The following ZNF487 variants were observed in gnomAD, a reference collection of about 807,000 sequenced individuals.
The protein encoded by ZNF487 is zinc finger protein 487.
In ZNF487, 4 loss-of-function variants were observed where a neutral mutation model predicts 3.0. The observed-to-expected ratio is 1.35, with a 90% CI of 0.66 to 3.08. ZNF487 has a LOEUF of 3.08. ZNF487 is among the 30% of genes most tolerant of loss of function. The pLI, the probability that ZNF487 is intolerant of heterozygous loss-of-function variation, is 0.01. For missense variants in ZNF487, 146 were observed against 98.7 expected (o/e 1.48, Z -2.03); for synonymous variants, 55 against 34.6 (o/e 1.59, Z -2.06).
At chr10:43,509,448 A>C in the ZNF487 span, among the ~76,000 whole-genome samples, 1 of 105,428 alleles carries the variant, frequency 9.5e-6, no homozygotes, top group Non-Finnish European at 1.8e-5. Context: ...GAGGGACAGA[A>C]CTAATGGAAC....
chr10:43,465,995 G>C (rs1214643491), intron 1 of ZNF487, among the ~76,000 whole-genome samples: 1 of 152,308 alleles, frequency 6.6e-6, no homozygotes, highest in Middle Eastern at 3.4e-3. Context: ...AGACCAGCCC[G>C]GCCAACCCAG....
At chr10:43,465,083 G>A (rs1353710976) in intron 1 of ZNF487, among the ~76,000 whole-genome samples, 2 of 146,372 alleles carry the variant, frequency 1.4e-5, no homozygotes, top group East Asian at 2.1e-4. Flanking sequence ...GCGGCTGGCC[G>A]GGCGGGGGGC....
intron 1 of ZNF487, among the ~76,000 whole-genome samples, chr10:43,474,083 C>G (rs1307045460): frequency 1.3e-5 from 2 of 151,760 alleles, no homozygotes; most frequent in South Asian, 2.1e-4. Flanking sequence ...ATTGCTTGAG[C>G]CCAGGAGGTC....
intron 1 of ZNF487, among the ~76,000 whole-genome samples, chr10:43,446,870 G>A (rs534620682): frequency 1.1e-4 from 16 of 152,238 alleles, no homozygotes; most frequent in South Asian, 8.3e-4. Flanking sequence ...TGTAGTGAGC[G>A]GAGATCACGC....
chr10:43,470,296 T>C (rs557923270), intron 1 of ZNF487, among the ~76,000 whole-genome samples: 8 of 151,790 alleles, frequency 5.3e-5, no homozygotes, highest in Non-Finnish European at 1.2e-4. Context: ...CACTTTAGCC[T>C]TGAGCTCCCT....
chr10:43,490,990 T>TC, the ZNF487 span, among the ~76,000 whole-genome samples: 3 of 145,132 alleles, frequency 2.1e-5, no homozygotes, highest in Non-Finnish European at 4.5e-5. Context: ...TTTCTTTTTT[T>TC]TTTTTTGAGA....
chr10:43,477,973 A>G (rs1841166462), intron 3 of ZNF487, among the ~76,000 whole-genome samples: 2 of 152,100 alleles, frequency 1.3e-5, no homozygotes, highest in Admixed American at 1.3e-4. Flanking sequence ...AAAAAATGAA[A>G]AAGTGGGGAA....
chr10:43,436,967 C>T (rs1254670326), upstream of ZNF487: 1 of 449,240 alleles, frequency 2.2e-6, no homozygotes, highest in Admixed American at 2.4e-5. Flanking sequence ...AAGAGGGCAG[C>T]TGGTAGCAGG....
At chr10:43,507,013 C>T in the ZNF487 span, among the ~76,000 whole-genome samples, 4,246 of 152,280 alleles carry the variant, frequency 0.028, 93 homozygotes, top group South Asian at 0.041. Flanking sequence ...GTGCTTTGGC[C>T]TTCATTGTTT....
At chr10:43,480,728 CT>C (rs113421488) in intron 3 of ZNF487, among the ~76,000 whole-genome samples, 4,379 of 145,272 alleles carry the variant, frequency 0.03, 90 homozygotes, top group South Asian at 0.043. Flanking sequence ...CTCTCTCTCT[CT>C]TTTTTTTTTT....
chr10:43,467,554 T>C (rs1293584623), intron 1 of ZNF487, among the ~76,000 whole-genome samples: 2 of 151,914 alleles, frequency 1.3e-5, no homozygotes, highest in Admixed American at 1.3e-4. Flanking sequence ...TTGTGACTCA[T>C]GCCTGTAATC....
rs183839907 is a variant in ZNF487 at position 43,476,582 on chromosome 10, G to A, written c.130+380G>A. Among the ~76,000 whole-genome samples, 21 of 152,268 alleles carry A rather than the reference G, an allele frequency of 1.4e-4. No homozygotes were observed. In the East Asian group the frequency reaches 3.7e-3, roughly 27 times the overall value. On this transcript the variant is annotated intron_variant, in intron 3 of 3. Transcript: ENST00000437590. ...CATTTCCATCTGTGTTAGAGATATA[G>A]CTCTAACACCATGGCTGTGTTATGT...
chr10:43,481,489 A>G lies in ZNF487; in HGVS notation c.191A>G (p.Gln64Arg). The change falls in exon 4 of 4, where the codon CAG becomes CGG. Residue 64 changes from glutamine to arginine, a missense_variant. Transcript: ENST00000437590. ...CAGGAAAATCAAGACCAGCATTTGC[A>G]GAAAGTTGATTTTGTCAACAATAAA... ...KRQENQDQHL[Q>R]KVDFVNNKTL... 1.4e-6 allele frequency: 1 copy of G among 717,318 alleles called. No individual in the cohort carries two copies. The allele number at this position is 717,318 out of a possible 1,614,324, so 44.4% of individuals were successfully genotyped here. A position where few individuals can be genotyped will look rare whatever the true frequency, so the allele number is the denominator to read the frequency against.
At chr10:43,487,136 AT>A (rs5784601), downstream of ZNF487, among the ~76,000 whole-genome samples, 45,844 of 120,402 alleles carry the variant, frequency 0.38, 6,750 homozygotes, top group East Asian at 0.59. Flanking sequence ...GTCACTAAGA[AT>A]TTTTTTTTTT....
In ZNF487 at chr10:43,483,139, T is replaced by C. The variant is rs1314178885; in HGVS notation, c.*1217T>C. ...CGTTCCATAGCAGAAACAACCCAGG[T>C]TGGGGTGAGAACACCCAATAAAGAT... On this transcript the variant is annotated 3_prime_UTR_variant, in exon 4 of 4. Transcript: ENST00000437590. The C allele has an allele frequency of 2.2e-6, 1 of 455,400 alleles. No individual in the cohort carries two copies. Among genetic ancestry groups the C allele is most frequent in the Non-Finnish European group, 4.4e-6 (1 of 226,658 alleles). The allele number at this position is 455,400 out of a possible 1,614,324, so 28.2% of individuals were successfully genotyped here.
intron 1 of ZNF487, among the ~76,000 whole-genome samples, chr10:43,442,158 C>T (rs997618295): frequency 2.0e-5 from 3 of 151,750 alleles, no homozygotes; most frequent in Non-Finnish European, 4.4e-5. Context: ...TGAGCTCAGA[C>T]GTTTGAGGTT....
intron 1 of ZNF487, among the ~76,000 whole-genome samples, chr10:43,440,758 C>T (rs1839570894): frequency 6.6e-6 from 1 of 151,908 alleles, no homozygotes; most frequent in Admixed American, 6.6e-5. Flanking sequence ...AGGGTAACCA[C>T]TGTCTTCAAC....
the ZNF487 span, among the ~76,000 whole-genome samples, chr10:43,493,738 A>G: frequency 7.2e-6 from 1 of 138,806 alleles, no homozygotes; most frequent in South Asian, 2.3e-4. Flanking sequence ...ATATATATAT[A>G]TGGCTTCCAA....
chr10:43,441,097 C>T (rs1325926783), intron 1 of ZNF487, among the ~76,000 whole-genome samples: 1 of 114,074 alleles, frequency 8.8e-6, no homozygotes, highest in Non-Finnish European at 1.6e-5. Flanking sequence ...CTGTATTGCC[C>T]AGGCTGGTCT....
Sources: gnomAD v4.1 joint callset for allele counts (sites outside exome capture counted in the v4.1 genomes callset) on GRCh38, gnomAD v4.1.1 for gene constraint, MANE v1.5 for transcripts, NCBI Gene and HGNC (gene_info 2026-07-23, HGNC 2026-07-21) for gene names.